The following B3GAT1 variants were observed in gnomAD, a reference collection of about 807,000 sequenced individuals.
B3GAT1 encodes galactosylgalactosylxylosylprotein 3-beta-glucuronosyltransferase 1.
In B3GAT1, 11 loss-of-function variants were observed where a neutral mutation model predicts 28.4. That is an observed-to-expected ratio of 0.39 (90% CI 0.24 to 0.64). B3GAT1 has a LOEUF of 0.64. Ranked by LOEUF, B3GAT1 falls within the 30% of genes least tolerant of loss-of-function variation. The pLI is 0.50. For synonymous variants in B3GAT1, 255 were observed against 223.1 expected (o/e 1.14, Z -1.27); for missense variants, 375 against 491.0 (o/e 0.76, Z 2.23).
At position 134,385,161 on chromosome 11, in the gene B3GAT1, T is replaced by G. The variant is rs191383704; in HGVS notation, c.113-973A>C. 15 of 152,314 alleles carry G rather than the reference T, an allele frequency of 9.8e-5. No individual in the cohort carries two copies. In the East Asian group the frequency reaches 2.7e-3, roughly 27 times the overall value. The allele number at this position is 152,314 out of a possible 1,614,324, so 9.4% of individuals were successfully genotyped here. On this transcript the variant is annotated intron_variant, in intron 2 of 5. Transcript: ENST00000312527. Reference sequence around the variant, plus strand: ...TCGAGTTATTATGTGGATTAATGAGTCCACAAGGGCTGAGAGCACCGCCAG... The same window carrying G: ...TCGAGTTATTATGTGGATTAATGAGGCCACAAGGGCTGAGAGCACCGCCAG...
intron 1 of B3GAT1, among the ~76,000 whole-genome samples, chr11:134,396,169 G>A (rs1012260077): frequency 3.3e-5 from 5 of 152,240 alleles, no homozygotes; most frequent in African/African-American, 1.2e-4. Context: ...CTTTTGCACA[G>A]TCTGCTGGCT....
intron 1 of B3GAT1, among the ~76,000 whole-genome samples, chr11:134,394,390 C>T (rs1944466637): frequency 6.6e-6 from 1 of 152,234 alleles, no homozygotes; most frequent in African/African-American, 2.4e-5. Context: ...GTCAGCAGAG[C>T]TGCTCAAACT....
intron 1 of B3GAT1, among the ~76,000 whole-genome samples, chr11:134,398,067 T>C (rs1170572632): frequency 2.0e-5 from 3 of 152,146 alleles, no homozygotes; most frequent in Admixed American, 6.5e-5. Context: ...GGGTTGAGTA[T>C]TCTGTTCTGA....
intron 1 of B3GAT1, among the ~76,000 whole-genome samples, chr11:134,403,623 G>A (rs1313863597): frequency 6.6e-6 from 1 of 152,204 alleles, no homozygotes; most frequent in Admixed American, 6.5e-5. Context: ...TGAGTGGGAA[G>A]GGCAAGTGGG....
chr11:134,387,324 T>C lies in B3GAT1; in HGVS notation c.112+224A>G, dbSNP rs529830298. 9 of 586,356 alleles carry C rather than the reference T, an allele frequency of 1.5e-5. No individual in the cohort carries two copies. The South Asian group carries it at 1.7e-4, about 11-fold the overall frequency. 36.3% of individuals were successfully genotyped at this position (586,356 alleles called of 1,614,324 possible). ...ACAAGCTCTTCTTTCAAGGCAACTG[T>C]CTTGGTGTCTGCCAACCTACCATCC... is the stretch of plus-strand genomic sequence containing the variant. On this transcript the variant is annotated intron_variant, in intron 2 of 5. Transcript: ENST00000312527.
intron 1 of B3GAT1, chr11:134,390,499 A>T (rs1944387464): frequency 6.6e-6 from 1 of 152,258 alleles, no homozygotes; most frequent in South Asian, 2.1e-4. Context: ...AAAGCCAAGG[A>T]GAGAAGATGA....
Position 134,383,787 on chromosome 11 carries a change from G to C in B3GAT1, c.514C>G (p.Leu172Val). 2.5e-6 allele frequency: 4 copies of C among 1,597,926 alleles called. No individual in the cohort carries two copies. Among genetic ancestry groups the C allele is most frequent in the Non-Finnish European group, 3.4e-6 (4 of 1,172,740 alleles). ...RIPRGTMQRN[L>V]ALRWLRETFP... ...GTCTCGCGCAGCCAGCGCAGGGCCA[G>C]GTTGCGCTGCATGGTGCCCCGCGGG... Residue 172 changes from leucine (L) to valine (V), a missense_variant, in exon 3 of 6, where the codon CTG becomes GTG. Leu to Val is a conservative substitution (Grantham distance 32). Coordinates refer to ENST00000312527, the MANE Select transcript of B3GAT1 (RefSeq NM_054025.3).
intron 1 of B3GAT1, among the ~76,000 whole-genome samples, chr11:134,395,478 G>A (rs940140550): frequency 2.0e-5 from 3 of 152,164 alleles, no homozygotes; most frequent in Non-Finnish European, 4.4e-5. Context: ...AACCATGACC[G>A]GACGATGGTG....
intron 1 of B3GAT1, among the ~76,000 whole-genome samples, chr11:134,405,497 A>T (rs1049755758): frequency 6.6e-6 from 1 of 152,162 alleles, no homozygotes; most frequent in African/African-American, 2.4e-5. Context: ...GGCCTGAAGG[A>T]GCTGACCTTC....
chr11:134,388,741 A>C (rs1459819701), intron 1 of B3GAT1: 6 of 152,212 alleles, frequency 3.9e-5, no homozygotes, highest in Non-Finnish European at 5.9e-5. Flanking sequence ...TTTGCTCAGG[A>C]TAATGGCCTC....
chr11:134,408,721 C>T (rs1944785834), intron 1 of B3GAT1, among the ~76,000 whole-genome samples: 1 of 82,168 alleles, frequency 1.2e-5, no homozygotes, highest in African/African-American at 5.7e-5. Flanking sequence ...CAGCCTGCAC[C>T]GATTCCAGTG....
chr11:134,387,453 G>C (rs971534300), intron 2 of B3GAT1, 95 bp downstream of exon 2: 1 of 1,514,272 alleles, frequency 6.6e-7, no homozygotes, highest in African/African-American at 1.4e-5. Flanking sequence ...CCTCCTAGCT[G>C]CTAAGTGAGT....
At chr11:134,389,959 G>A (rs1355916414) in intron 1 of B3GAT1, 1 of 152,192 alleles carries the variant, frequency 6.6e-6, no homozygotes, top group Non-Finnish European at 1.5e-5. Flanking sequence ...GAGCACTGTG[G>A]TTTCCCAGGA....
chr11:134,398,203 G>A (rs748592049), intron 1 of B3GAT1, among the ~76,000 whole-genome samples: 7 of 152,230 alleles, frequency 4.6e-5, no homozygotes, highest in Non-Finnish European at 2.9e-5. Context: ...CCGGCACCCC[G>A]TGAGTCAGCA....
In B3GAT1 at chr11:134,382,908, G is replaced by T. The variant is rs1944167464; in HGVS notation, c.720C>A (p.Gly240=). 6.2e-7 allele frequency: 1 copy of T among 1,613,386 alleles called. No homozygotes were observed. Among genetic ancestry groups the T allele is most frequent in the Non-Finnish European group, 8.5e-7 (1 of 1,179,774 alleles). The part of the protein sequence containing the change: ...PRVNGAGKVV[G]WKTVFDPHRP... ...GGTGGGGGTCAAACACCGTCTTCCA[G>T]CCGACCACCTTCCCTGCCCCGTTCA... is the stretch of plus-strand genomic sequence containing the variant. The change falls in exon 4 of 6, where the codon GGC becomes GGA. Residue 240 remains glycine, a synonymous_variant. Transcript: ENST00000312527.
chr11:134,388,420 C>T (rs1445352376), intron 1 of B3GAT1: 1 of 157,950 alleles, frequency 6.3e-6, no homozygotes, highest in East Asian at 1.8e-4. Flanking sequence ...TTTTCTCTCT[C>T]TCTTTTTTCT....
intron 1 of B3GAT1, among the ~76,000 whole-genome samples, chr11:134,407,216 G>T (rs547076300): frequency 6.6e-6 from 1 of 152,308 alleles, no homozygotes; most frequent in South Asian, 2.1e-4. Flanking sequence ...GTAGCCCAGG[G>T]TTCAAAGAGA....
chr11:134,379,468 C>T lies in B3GAT1; in HGVS notation c.*1294G>A, dbSNP rs1372327605. 2 of 152,492 alleles carry T rather than the reference C, an allele frequency of 1.3e-5. No individual in the cohort carries two copies. Among genetic ancestry groups the T allele is most frequent in the Non-Finnish European group, 2.9e-5 (2 of 68,052 alleles). 9.4% of individuals were successfully genotyped at this position (152,492 alleles called of 1,614,324 possible). A position where few individuals can be genotyped will look rare whatever the true frequency, so the allele number is the denominator to read the frequency against. ...AGCCCTTTCCAGTGGGCCCCAGAGG[C>T]CTGGGGAGGGCAGGAGTTTGAGGCA... On this transcript the variant is annotated 3_prime_UTR_variant, in exon 6 of 6. Coordinates refer to ENST00000312527, the MANE Select transcript of B3GAT1 (RefSeq NM_054025.3).
At chr11:134,405,846 G>T (rs1383561936) in intron 1 of B3GAT1, among the ~76,000 whole-genome samples, 1 of 152,198 alleles carries the variant, frequency 6.6e-6, no homozygotes, top group Admixed American at 6.5e-5. Context: ...GTAGCCTGGG[G>T]TGTCCAGCAC....
Sources: allele counts gnomAD v4.1 joint callset (sites outside exome capture counted in the v4.1 genomes callset), GRCh38; gene constraint gnomAD v4.1.1; transcripts MANE v1.5; gene names NCBI Gene and HGNC (gene_info 2026-07-23, HGNC 2026-07-21).